The following SCD5 variants were observed in gnomAD, a reference collection of about 807,000 sequenced individuals.
SCD5 encodes the protein acyl-CoA-desaturase 4.
A neutral mutation model predicts 30.4 loss-of-function variants in SCD5; 20 were observed. The observed-to-expected ratio is 0.66, with a 90% CI of 0.46 to 0.96. The LOEUF (loss-of-function observed/expected upper bound fraction) is 0.96. Ranked by LOEUF, SCD5 falls within the 40% of genes least tolerant of loss-of-function variation. The pLI is 0.00. For synonymous variants in SCD5, 173 were observed against 176.4 expected, an observed-to-expected ratio of 0.98 and a Z score of 0.16; for missense variants, 381 against 443.3, an observed-to-expected ratio of 0.86 and a Z score of 1.26.
At chr4:82,731,821 C>A (rs1014295504) in intron 1 of SCD5, among the ~76,000 whole-genome samples, 2 of 152,198 alleles carry the variant, frequency 1.3e-5, no homozygotes, top group African/African-American at 4.8e-5. Flanking sequence ...ACCTGCTCCC[C>A]ATTCCCTTCC....
intron 1 of SCD5, among the ~76,000 whole-genome samples, chr4:82,748,949 C>T (rs1578051105): frequency 1.3e-5 from 2 of 152,180 alleles, no homozygotes; most frequent in African/African-American, 4.8e-5. Context: ...AGCTTACAGT[C>T]TACTGTGTGG....
chr4:82,644,423 T>A (rs992881904), intron 3 of SCD5, among the ~76,000 whole-genome samples: 4 of 152,190 alleles, frequency 2.6e-5, no homozygotes, highest in African/African-American at 9.7e-5. Flanking sequence ...ATGACATGGA[T>A]ACACTGCTGG....
chr4:82,690,216 G>A (rs376367821), intron 2 of SCD5, among the ~76,000 whole-genome samples: 15 of 152,256 alleles, frequency 9.9e-5, no homozygotes, highest in Admixed American at 3.9e-4. Context: ...AAAGGGGCAT[G>A]ATGTCTATAA....
chr4:82,776,862 TG>T (rs1307261206), intron 1 of SCD5, among the ~76,000 whole-genome samples: 1 of 152,250 alleles, frequency 6.6e-6, no homozygotes, highest in East Asian at 1.9e-4. Flanking sequence ...GAAATCCATT[TG>T]GTAGTAGATT....
intron 1 of SCD5, among the ~76,000 whole-genome samples, chr4:82,765,899 G>A (rs1386589504): frequency 6.6e-6 from 1 of 152,098 alleles, no homozygotes; most frequent in Non-Finnish European, 1.5e-5. Flanking sequence ...GGATTACAGG[G>A]ATGAGCCACT....
chr4:82,653,681 G>GATAGATAGATAGATAGATAGAT (rs1727803325), intron 3 of SCD5, among the ~76,000 whole-genome samples: 4 of 133,436 alleles, frequency 3.0e-5, no homozygotes, highest in African/African-American at 1.1e-4. Flanking sequence ...GTCAATGATA[G>GATAGATAGATAGATAGATAGAT]ATAGATAGAT....
intron 3 of SCD5, among the ~76,000 whole-genome samples, chr4:82,651,699 A>C (rs371152399): frequency 2.0e-5 from 3 of 152,308 alleles, no homozygotes; most frequent in Admixed American, 6.5e-5. Context: ...AGATCACCTG[A>C]GGTCCGGAGT....
chr4:82,768,208 T>C (rs544160300), intron 1 of SCD5, among the ~76,000 whole-genome samples: 2 of 152,326 alleles, frequency 1.3e-5, no homozygotes, highest in East Asian at 1.9e-4. Flanking sequence ...TTCCCACTTA[T>C]AGATGAGGGA....
chr4:82,688,375 G>T (rs769154601), intron 2 of SCD5, among the ~76,000 whole-genome samples: 8 of 152,022 alleles, frequency 5.3e-5, no homozygotes, highest in African/African-American at 9.7e-5. Context: ...TATCAAGAGG[G>T]TCAAATAGAA....
intron 4 of SCD5, among the ~76,000 whole-genome samples, chr4:82,636,296 C>G (rs1374712463): frequency 6.7e-6 from 1 of 149,214 alleles, no homozygotes; most frequent in Non-Finnish European, 1.5e-5. Context: ...AAAAAAAATA[C>G]AAAAATTAGC....
At position 82,798,460 on chromosome 4, in the gene SCD5, G is replaced by C. The variant is rs771311994; in HGVS notation, c.78C>G (p.Ser26Arg). The change falls in exon 1 of 5, where the codon AGC (serine) becomes AGG (arginine). Residue 26 changes from serine to arginine, a missense_variant. Transcript: ENST00000319540. ...AKEEIRAGLE[S>R]SEGGGGPERP... ...TCTCCGGGCCGCCGCCGCCCTCAGA[G>C]CTTTCGAGCCCGGCACGGATTTCTT... 38 of 1,612,914 alleles carry C rather than the reference G, an allele frequency of 2.4e-5. 1 individual carries two copies. In the Admixed American group the frequency reaches 6.0e-4, roughly 25 times the overall value.
At chr4:82,749,903 T>C (rs1208372100) in intron 1 of SCD5, among the ~76,000 whole-genome samples, 7 of 152,232 alleles carry the variant, frequency 4.6e-5, no homozygotes, top group African/African-American at 1.7e-4. Flanking sequence ...GCACATATTA[T>C]ATTTATTTCA....
At chr4:82,678,173 G>C (rs898776152) in intron 3 of SCD5, among the ~76,000 whole-genome samples, 1 of 152,060 alleles carries the variant, frequency 6.6e-6, no homozygotes, top group East Asian at 1.9e-4. Context: ...GGAGCTCAAT[G>C]ATACATGTGA....
chr4:82,632,834 T>G (rs1311937903), intron 4 of SCD5, among the ~76,000 whole-genome samples: 1 of 152,188 alleles, frequency 6.6e-6, no homozygotes, highest in Non-Finnish European at 1.5e-5. Flanking sequence ...TCTGATTTGA[T>G]TTTTTAAATT....
Position 82,705,265 on chromosome 4 carries a change from A to G in SCD5, c.363+18T>C. 6.2e-7 allele frequency: 1 copy of G among 1,613,812 alleles called. No homozygotes were observed. Among genetic ancestry groups the G allele is most frequent in the Middle Eastern group, 1.7e-4 (1 of 6,060 alleles). On this transcript the variant is annotated intron_variant, in intron 2 of 4. Transcript: ENST00000319540. Reference sequence around the variant, plus strand: ...CTGCACTGGGTCTCCCAACACAGAGAGGACCCTCCATCCTCACCTGGAAAG... The same window carrying G: ...CTGCACTGGGTCTCCCAACACAGAGGGGACCCTCCATCCTCACCTGGAAAG...
Position 82,652,154 on chromosome 4 carries a change from G to A in SCD5, c.570-15331C>T, listed in dbSNP as rs186207105. On this transcript the variant is annotated intron_variant, in intron 3 of 4. Coordinates refer to ENST00000319540, the MANE Select transcript of SCD5 (RefSeq NM_001037582.3). ...AGCAAAAGCACAGTGTCACGAAATAGCCTGAAGTGTGCGGGGAATGGCATT... is the reference window on the plus strand; with the variant it reads ...AGCAAAAGCACAGTGTCACGAAATAACCTGAAGTGTGCGGGGAATGGCATT... Among the ~76,000 whole-genome samples, 9 of 152,262 alleles carry A rather than the reference G, an allele frequency of 5.9e-5. No homozygotes were observed. The East Asian group carries it at 1.5e-3, about 26-fold the overall frequency.
At chr4:82,674,720 A>G (rs1728399099) in intron 3 of SCD5, among the ~76,000 whole-genome samples, 2 of 152,202 alleles carry the variant, frequency 1.3e-5, no homozygotes, top group African/African-American at 4.8e-5. Flanking sequence ...AGCAACCAAG[A>G]TGTCCTCCAC....
intron 1 of SCD5, among the ~76,000 whole-genome samples, chr4:82,759,898 C>T (rs1721320177): frequency 6.6e-6 from 1 of 152,120 alleles, no homozygotes; most frequent in South Asian, 2.1e-4. Flanking sequence ...AATTCCTTTC[C>T]TATTGATCCA....
At chr4:82,713,509 G>C (rs528047104) in intron 1 of SCD5, among the ~76,000 whole-genome samples, 1 of 152,290 alleles carries the variant, frequency 6.6e-6, no homozygotes, top group African/African-American at 2.4e-5. Flanking sequence ...AGGCACTCCT[G>C]TTAGATACTC....
Sources: gnomAD v4.1 joint callset for allele counts (sites outside exome capture counted in the v4.1 genomes callset) on GRCh38, gnomAD v4.1.1 for gene constraint, MANE v1.5 for transcripts, NCBI Gene and HGNC (gene_info 2026-07-23, HGNC 2026-07-21) for gene names.